The following PREX1 variants were observed in gnomAD, a reference collection of about 807,000 sequenced individuals.
The protein encoded by PREX1 is phosphatidylinositol-3,4,5-trisphosphate dependent Rac exchange factor 1, also known as phosphatidylinositol 3,4,5-trisphosphate-dependent Rac exchanger 1 protein.
PREX1 carries 41 observed loss-of-function variants against 198.3 expected under a neutral mutation model. That is an observed-to-expected ratio of 0.21 (90% CI 0.16 to 0.27). The LOEUF (loss-of-function observed/expected upper bound fraction) is 0.27. Among genes scored for constraint, PREX1 ranks in the 10% least tolerant of loss-of-function variants. The pLI is 1.00. For synonymous variants in PREX1, 843 were observed against 887.2 expected (o/e 0.95, Z 0.89); for missense variants, 1,620 against 2,200.7 (o/e 0.74, Z 5.28).
At chr20:48,745,586 T>C (rs1052182471) in intron 2 of PREX1, among the ~76,000 whole-genome samples, 7 of 152,228 alleles carry the variant, frequency 4.6e-5, no homozygotes, top group African/African-American at 1.7e-4. Context: ...ATTACAAGTA[T>C]ATTTCCATGC....
At chr20:48,652,789 G>T in intron 20 of PREX1, 83 bp from the exon 21 acceptor site, 1 of 1,453,876 alleles carries the variant, frequency 6.9e-7, no homozygotes, top group Admixed American at 2.0e-5. Context: ...AACTGCCCCT[G>T]GGTTCCAGAG....
At chr20:48,725,384 C>G (rs2122696956) in intron 5 of PREX1, among the ~76,000 whole-genome samples, 1 of 152,340 alleles carries the variant, frequency 6.6e-6, no homozygotes, top group South Asian at 2.1e-4. Context: ...AGAGCCGTCC[C>G]CTGGGCTCAG....
chr20:48,651,650 A>G, intron 21 of PREX1, 67 bp from the exon 22 acceptor site: 3 of 1,492,570 alleles, frequency 2.0e-6, no homozygotes, highest in Non-Finnish European at 2.7e-6. Flanking sequence ...GGCGAGGAGG[A>G]TTCTGGAGGA....
At chr20:48,634,499 C>T (rs1338890044) in intron 33 of PREX1, among the ~76,000 whole-genome samples, 177 bp downstream of exon 33, 1 of 152,114 alleles carries the variant, frequency 6.6e-6, no homozygotes, top group Non-Finnish European at 1.5e-5. Context: ...TCCATGTGTG[C>T]CCCAAAGTTC....
Position 48,632,368 on chromosome 20 carries a change from G to A in PREX1, c.4435C>T (p.Pro1479Ser). The part of the protein sequence containing the change: ...TKVLENVEGL[P>S]SPGSQAAEDL... ...TCCGCGGCCTGGCTGCCTGGAGAAGGCAGCCCCTCCACGTTCTCCAGCACT... is the reference window on the plus strand; with the variant it reads ...TCCGCGGCCTGGCTGCCTGGAGAAGACAGCCCCTCCACGTTCTCCAGCACT... Residue 1479 changes from proline (P) to serine (S), a missense_variant, in exon 35 of 40, where the codon CCT becomes TCT. This residue lies in a region of PREX1 where 476 missense variants were observed against 603.4 expected (regional missense o/e 0.79). Coordinates refer to ENST00000371941, the MANE Select transcript of PREX1 (RefSeq NM_020820.4). The A allele has an allele frequency of 6.2e-7, 1 of 1,613,558 alleles. No homozygotes were observed. Among genetic ancestry groups the A allele is most frequent in the Non-Finnish European group, 8.5e-7 (1 of 1,179,950 alleles).
intron 1 of PREX1, among the ~76,000 whole-genome samples, chr20:48,755,020 A>G (rs2090150763): frequency 6.6e-6 from 1 of 152,156 alleles, no homozygotes; most frequent in African/African-American, 2.4e-5. Flanking sequence ...AATAAATCTC[A>G]TATGTGGCAT....
the PREX1 span, among the ~76,000 whole-genome samples, chr20:48,837,713 T>G: frequency 6.6e-6 from 1 of 152,020 alleles, no homozygotes; most frequent in Non-Finnish European, 1.5e-5. Flanking sequence ...AAATAACTAT[T>G]TGGTACTAGG....
chr20:48,790,546 G>A (rs1220379431), intron 1 of PREX1, among the ~76,000 whole-genome samples: 1 of 152,140 alleles, frequency 6.6e-6, no homozygotes, highest in African/African-American at 2.4e-5. Flanking sequence ...GCTGCCTCTC[G>A]AGACAGCTAA....
intron 1 of PREX1, among the ~76,000 whole-genome samples, chr20:48,814,949 A>G (rs2090453319): frequency 6.6e-6 from 1 of 152,232 alleles, no homozygotes; most frequent in African/African-American, 2.4e-5. Flanking sequence ...CAGAAACGAA[A>G]AAAATGGAAA....
intron 1 of PREX1, among the ~76,000 whole-genome samples, chr20:48,768,764 G>A (rs1300570289): frequency 6.6e-6 from 1 of 151,072 alleles, no homozygotes; most frequent in African/African-American, 2.4e-5. Flanking sequence ...GACAAAGCGA[G>A]ACTCTGCCTC....
intron 1 of PREX1, among the ~76,000 whole-genome samples, chr20:48,806,846 G>T (rs546922527): frequency 2.0e-4 from 31 of 152,342 alleles, no homozygotes; most frequent in Non-Finnish European, 3.1e-4. Context: ...CAGGCAGAAG[G>T]TGAAGAGGGC....
intron 9 of PREX1, among the ~76,000 whole-genome samples, chr20:48,689,911 G>A (rs769314497): frequency 2.6e-5 from 4 of 152,252 alleles, no homozygotes; most frequent in Admixed American, 6.5e-5. Flanking sequence ...AGGGAGAAGA[G>A]AGGAGAAGCG....
At chr20:48,856,181 C>T in the PREX1 span, among the ~76,000 whole-genome samples, 7 of 152,158 alleles carry the variant, frequency 4.6e-5, no homozygotes, top group South Asian at 2.1e-4. Context: ...AAGTCTGGAG[C>T]GGCAGACAAG....
intron 7 of PREX1, among the ~76,000 whole-genome samples, chr20:48,695,415 C>T (rs973384278): frequency 2.0e-5 from 3 of 152,148 alleles, no homozygotes; most frequent in Non-Finnish European, 4.4e-5. Context: ...CATGTGTGTG[C>T]ATTTCTTTGG....
intron 25 of PREX1, among the ~76,000 whole-genome samples, chr20:48,646,499 A>G (rs2089451633): frequency 6.6e-6 from 1 of 152,168 alleles, no homozygotes; most frequent in South Asian, 2.1e-4. Flanking sequence ...CCTGGCCAAC[A>G]TGGCCAACAT....
chr20:48,626,145 A>G (rs2089270343), intron 39 of PREX1, among the ~76,000 whole-genome samples: 2 of 152,190 alleles, frequency 1.3e-5, no homozygotes, highest in Non-Finnish European at 2.9e-5. Context: ...ACTGGCATTT[A>G]CAAATGAAGA....
chr20:48,715,684 G>A (rs1260579879), intron 5 of PREX1, among the ~76,000 whole-genome samples: 1 of 152,156 alleles, frequency 6.6e-6, no homozygotes, highest in Non-Finnish European at 1.5e-5. Flanking sequence ...TATCATCATC[G>A]TCATTATGTC....
At chr20:48,629,414 C>A (rs1188428514) in intron 37 of PREX1, 35 bp downstream of exon 37, 3 of 1,603,000 alleles carry the variant, frequency 1.9e-6, no homozygotes, top group East Asian at 4.5e-5. Flanking sequence ...AGGCCAGCCC[C>A]TCCCCACACC....
Position 48,758,830 on chromosome 20 carries a change from GCT to G in PREX1, c.220-10952_220-10951del, listed in dbSNP as rs529587475. On this transcript the variant is annotated intron_variant, in intron 1 of 39. Transcript: ENST00000371941. ...AATCCTATCGAAAACGCCTATCCCT[GCT>G]CTGTTTTCCTCACAGCACCTGTCAC... 2.1e-3 allele frequency among the ~76,000 whole-genome samples: 321 copies of G among 152,256 alleles called. 1 individual carries two copies. The highest frequency in any genetic ancestry group is 3.7e-3 in the Non-Finnish European group (254 of 68,004).
Sources: allele counts gnomAD v4.1 joint callset (sites outside exome capture counted in the v4.1 genomes callset), GRCh38; gene constraint gnomAD v4.1.1; regional missense constraint gnomAD v4.1.1; transcripts MANE v1.5; gene names NCBI Gene and HGNC (gene_info 2026-07-23, HGNC 2026-07-21).